Variants in FANCB observed in about 807,000 individuals in gnomAD.
The protein encoded by FANCB is Fanconi anemia group B protein.
FANCB carries 5 observed loss-of-function variants against 38.9 expected under a neutral mutation model. That is an observed-to-expected ratio of 0.13 (90% CI 0.07 to 0.27). FANCB has a LOEUF of 0.27. Among genes scored for constraint, FANCB ranks in the 10% least tolerant of loss-of-function variants. The pLI, the probability that FANCB is intolerant of heterozygous loss-of-function variation, is 1.00. For synonymous variants in FANCB, 236 were observed against 215.4 expected, an observed-to-expected ratio of 1.10 and a Z score of -0.84; for missense variants, 573 against 602.7, an observed-to-expected ratio of 0.95 and a Z score of 0.52.
chrX:14,797,223 T>G, the FANCB span, among the ~76,000 whole-genome samples: 1 of 112,021 alleles, frequency 8.9e-6, no homozygotes, highest in African/African-American at 3.2e-5. Flanking sequence ...CTCAGATCTT[T>G]GCAAGGTAGG....
chrX:14,800,169 G>A, the FANCB span, among the ~76,000 whole-genome samples: 18 of 111,711 alleles, frequency 1.6e-4, no homozygotes, highest in East Asian at 3.1e-3. Flanking sequence ...CAGCAGCCAC[G>A]GATATTGATA....
the FANCB span, among the ~76,000 whole-genome samples, chrX:14,800,366 C>G: frequency 1.8e-5 from 2 of 111,178 alleles, no homozygotes; most frequent in Non-Finnish European, 3.8e-5. Context: ...AAGACAGAGG[C>G]AGAGATTGGA....
Position 14,847,093 on chromosome X carries a change from G to A in FANCB, c.1497-1807C>T, listed in dbSNP as rs755902779. On this transcript the variant is annotated intron_variant, in intron 7 of 9. Coordinates refer to ENST00000650831, the MANE Select transcript of FANCB (RefSeq NM_001018113.3). The stretch of plus-strand genomic sequence containing the variant: ...CCTTTGAGTGCTTCAAAATAATCTG[G>A]GGGATGGGGGTGAGGAGTGCATGGA... Among the ~76,000 whole-genome samples, 14 of 109,893 alleles carry A rather than the reference G, an allele frequency of 1.3e-4. No homozygotes were observed. In the South Asian group the frequency reaches 5.1e-3, roughly 40 times the overall value.
At chrX:14,707,757 GGTGT>G in the FANCB span, among the ~76,000 whole-genome samples, 15 of 106,176 alleles carry the variant, frequency 1.4e-4, no homozygotes, top group East Asian at 2.9e-4. Flanking sequence ...CAGCAAAAAA[GGTGT>G]GTGTGTGTGT....
chrX:14,746,695 C>T, the FANCB span, among the ~76,000 whole-genome samples: 6 of 112,140 alleles, frequency 5.4e-5, no homozygotes, highest in African/African-American at 1.9e-4. Context: ...TATTCAGCAA[C>T]ATTCCACTTC....
chrX:14,790,386 G>C, the FANCB span, among the ~76,000 whole-genome samples: 1 of 111,790 alleles, frequency 8.9e-6, no homozygotes, highest in Non-Finnish European at 1.9e-5. Flanking sequence ...AGAGAATCTA[G>C]GTTCTAGCCA....
the FANCB span, among the ~76,000 whole-genome samples, chrX:14,761,931 G>C: frequency 9.0e-6 from 1 of 111,592 alleles, no homozygotes; most frequent in Non-Finnish European, 1.9e-5. Context: ...AGAGTAGGGA[G>C]AATGAAAATG....
the FANCB span, among the ~76,000 whole-genome samples, chrX:14,822,280 T>A: frequency 9.1e-5 from 10 of 110,266 alleles, no homozygotes; most frequent in Admixed American, 7.8e-4. Context: ...GGGAGGTAGG[T>A]AGCCAACTCT....
chrX:14,778,008 C>T, the FANCB span, among the ~76,000 whole-genome samples: 3 of 111,726 alleles, frequency 2.7e-5, no homozygotes, highest in South Asian at 1.1e-3. Flanking sequence ...TCCCTGCCTT[C>T]CTCCTCAATG....
the FANCB span, among the ~76,000 whole-genome samples, chrX:14,756,298 T>G: frequency 1.8e-5 from 2 of 111,503 alleles, no homozygotes; most frequent in Admixed American, 9.5e-5. Context: ...TAAGCATGGG[T>G]AACAAAAGCA....
At chrX:14,704,294 G>T in the FANCB span, among the ~76,000 whole-genome samples, 1 of 112,339 alleles carries the variant, frequency 8.9e-6, no homozygotes, top group Admixed American at 9.4e-5. Flanking sequence ...TTTCATAAAG[G>T]CTATGATGGC....
the FANCB span, chrX:14,690,661 C>T: frequency 2.8e-6 from 1 of 360,103 alleles, no homozygotes; most frequent in Non-Finnish European, 4.3e-6. Context: ...GTCTTTCTTT[C>T]TCTCTCTCTC....
chrX:14,695,832 G>A, the FANCB span, among the ~76,000 whole-genome samples: 1 of 111,244 alleles, frequency 9.0e-6, no homozygotes, highest in African/African-American at 3.3e-5. Context: ...TGAGGAAGAA[G>A]GATCAAGTAT....
At chrX:14,822,852 T>C in the FANCB span, among the ~76,000 whole-genome samples, 2 of 111,288 alleles carry the variant, frequency 1.8e-5, no homozygotes, top group African/African-American at 6.5e-5. Flanking sequence ...CTGAAAAATG[T>C]TCGTTGCTCT....
At chrX:14,868,813 T>A (rs1405565829) in intron 2 of FANCB, 110 bp downstream of exon 2, 1 of 112,240 alleles carries the variant, frequency 8.9e-6, no homozygotes, top group Non-Finnish European at 1.9e-5. Flanking sequence ...ACTTGACCAT[T>A]ATACAATATA....
At chrX:14,790,664 G>C in the FANCB span, among the ~76,000 whole-genome samples, 1 of 112,126 alleles carries the variant, frequency 8.9e-6, no homozygotes, top group Non-Finnish European at 1.9e-5. Context: ...CTACTGAATT[G>C]AGATGCAACC....
At chrX:14,790,369 A>G in the FANCB span, among the ~76,000 whole-genome samples, 1 of 112,047 alleles carries the variant, frequency 8.9e-6, no homozygotes, top group South Asian at 3.7e-4. Flanking sequence ...ATGCTAATTT[A>G]GAGATCAGAG....
At chrX:14,821,624 A>T in the FANCB span, among the ~76,000 whole-genome samples, 2 of 111,886 alleles carry the variant, frequency 1.8e-5, no homozygotes, top group African/African-American at 3.2e-5. Context: ...ACAGATGATT[A>T]TTCTGGTTCT....
chrX:14,864,610 C>T lies in FANCB; in HGVS notation c.901G>A (p.Val301Ile). Reference sequence around the variant, plus strand: ...CAAGCATTATTGGATATAAAGGATACAACGAAAAAGAGGTTTCCTCCACCT... The same window carrying T: ...CAAGCATTATTGGATATAAAGGATATAACGAAAAAGAGGTTTCCTCCACCT... ...DSGGGNLFFVVSFISNNACAV... is the reference protein window; with the variant it reads ...DSGGGNLFFVISFISNNACAV... Residue 301 changes from valine to isoleucine, a missense_variant, in exon 3 of 10, where the codon GTA becomes ATA. Physicochemically the swap from Val to Ile is conservative, Grantham distance 29. Transcript: ENST00000650831. 1 of 1,207,408 alleles carries T rather than the reference C, an allele frequency of 8.3e-7. No homozygotes were observed. Among genetic ancestry groups the T allele is most frequent in the South Asian group, 1.8e-5 (1 of 56,930 alleles).
Sources: gnomAD v4.1 joint callset for allele counts (sites outside exome capture counted in the v4.1 genomes callset) on GRCh38, gnomAD v4.1.1 for gene constraint, MANE v1.5 for transcripts, NCBI Gene and HGNC (gene_info 2026-07-23, HGNC 2026-07-21) for gene names.